HMGCLL1: variants seen among roughly 807,000 people sequenced by gnomAD.
HMGCLL1 encodes 3-hydroxy-3-methylglutaryl-CoA lyase like 1, also known as 3-hydroxymethyl-3-methylglutaryl-CoA lyase, cytoplasmic.
In HMGCLL1, 36 loss-of-function variants were observed where a neutral mutation model predicts 39.1. The ratio of observed to expected loss-of-function variants is 0.92; its 90% CI spans 0.71 to 1.22. The LOEUF (loss-of-function observed/expected upper bound fraction) is 1.22. Ranked by LOEUF, HMGCLL1 falls within the 50% of genes most tolerant of loss-of-function variation. The pLI is 0.00. For synonymous variants in HMGCLL1, 149 were observed against 144.0 expected, an observed-to-expected ratio of 1.03 and a Z score of -0.25; for missense variants, 451 against 416.5, an observed-to-expected ratio of 1.08 and a Z score of -0.72.
At chr6:55,465,486 T>A (rs1764758234) in intron 7 of HMGCLL1, among the ~76,000 whole-genome samples, 1 of 152,050 alleles carries the variant, frequency 6.6e-6, no homozygotes, top group Non-Finnish European at 1.5e-5. Flanking sequence ...TACATTGGCT[T>A]AAATCTCCTC....
chr6:55,646,865 A>G, the HMGCLL1 span, among the ~76,000 whole-genome samples: 2 of 152,120 alleles, frequency 1.3e-5, no homozygotes, highest in African/African-American at 2.4e-5. Context: ...TTCTACATCT[A>G]TTGGATGAAA....
At chr6:55,449,641 T>G (rs1336027540) in intron 7 of HMGCLL1, among the ~76,000 whole-genome samples, 3 of 152,220 alleles carry the variant, frequency 2.0e-5, no homozygotes, top group Non-Finnish European at 4.4e-5. Context: ...ACACTTTTAA[T>G]TTTTTTCCTC....
chr6:55,459,357 A>C (rs1196165478), intron 7 of HMGCLL1, among the ~76,000 whole-genome samples: 2 of 152,168 alleles, frequency 1.3e-5, no homozygotes. Context: ...AGGGGGAAGA[A>C]AATTATTTTA....
At chr6:55,600,710 A>C in the HMGCLL1 span, among the ~76,000 whole-genome samples, 1 of 152,166 alleles carries the variant, frequency 6.6e-6, no homozygotes, top group Non-Finnish European at 1.5e-5. Flanking sequence ...CAACAAATCA[A>C]ATTTGAAAAT....
the HMGCLL1 span, among the ~76,000 whole-genome samples, chr6:55,615,117 T>C: frequency 1.3e-5 from 2 of 152,122 alleles, no homozygotes; most frequent in Non-Finnish European, 2.9e-5. Context: ...GTAAACAGCA[T>C]AGACTTTTTC....
chr6:55,484,786 T>TG (rs1438686231), intron 7 of HMGCLL1, among the ~76,000 whole-genome samples: 1 of 152,318 alleles, frequency 6.6e-6, no homozygotes, highest in Non-Finnish European at 1.5e-5. Context: ...CCTGGACTAT[T>TG]GCAATTGCAT....
chr6:55,576,071 A>G (rs1346352118), intron 1 of HMGCLL1, among the ~76,000 whole-genome samples: 3 of 152,218 alleles, frequency 2.0e-5, no homozygotes, highest in Non-Finnish European at 4.4e-5. Flanking sequence ...TTGCTTCCTT[A>G]GTTTTACTAT....
At chr6:55,586,248 TA>T in the HMGCLL1 span, among the ~76,000 whole-genome samples, 2 of 151,938 alleles carry the variant, frequency 1.3e-5, no homozygotes, top group African/African-American at 4.8e-5. Context: ...ACTATGATAA[TA>T]AGAGAACACT....
the HMGCLL1 span, among the ~76,000 whole-genome samples, chr6:55,615,440 A>G: frequency 6.6e-6 from 1 of 152,172 alleles, no homozygotes; most frequent in African/African-American, 2.4e-5. Flanking sequence ...TTGTGCCTCT[A>G]TAAAATGTAC....
In HMGCLL1 at chr6:55,507,494, A is replaced by G. The variant is rs567681116; in HGVS notation, c.542+6554T>C. 6.2e-5 allele frequency among the ~76,000 whole-genome samples: 5 copies of G among 81,178 alleles called. No individual in the cohort carries two copies. In the South Asian group the frequency reaches 1.6e-3, roughly 27 times the overall value. 53.3% of individuals were successfully genotyped at this position (81,178 alleles called of 152,430 possible). On this transcript the variant is annotated intron_variant, in intron 5 of 8. Coordinates refer to ENST00000274901, the MANE Select transcript of HMGCLL1 (RefSeq NM_001042406.2). ...GGCTGGACACTTCAGGTAATACTTC[A>G]TGTTCCATTTATGATGACTTATATT...
At position 55,542,006 on chromosome 6, in the gene HMGCLL1, A is replaced by G. The variant is rs574784760; in HGVS notation, c.189+54T>C. Reference sequence around the variant, plus strand: ...TATGAAATCCATGTAAATCTTTACAATCTTAAATTTATTAATTTGTAGACA... The same window carrying G: ...TATGAAATCCATGTAAATCTTTACAGTCTTAAATTTATTAATTTGTAGACA... On this transcript the variant is annotated intron_variant, in intron 2 of 8. Coordinates refer to ENST00000274901, the MANE Select transcript of HMGCLL1 (RefSeq NM_001042406.2). 2.7e-5 allele frequency: 32 copies of G among 1,196,314 alleles called. No homozygotes were observed. The East Asian group carries it at 3.6e-4, about 14-fold the overall frequency. 74.1% of individuals were successfully genotyped at this position (1,196,314 alleles called of 1,614,324 possible).
chr6:55,442,703 A>T (rs62417203), intron 7 of HMGCLL1, among the ~76,000 whole-genome samples: 10,235 of 152,174 alleles, frequency 0.067, 432 homozygotes, highest in East Asian at 0.17. Flanking sequence ...TCTTTCCATT[A>T]CCACAACATT....
chr6:55,455,552 T>C (rs1361333455), intron 7 of HMGCLL1, among the ~76,000 whole-genome samples: 1 of 152,128 alleles, frequency 6.6e-6, no homozygotes, highest in African/African-American at 2.4e-5. Context: ...GTTGAGGCAA[T>C]TGTGGATATT....
the HMGCLL1 span, among the ~76,000 whole-genome samples, chr6:55,604,238 C>A: frequency 9.2e-5 from 14 of 152,146 alleles, no homozygotes; most frequent in Non-Finnish European, 1.3e-4. Context: ...GAAATATGAA[C>A]CTTTAAGTCA....
At chr6:55,668,673 A>C in the HMGCLL1 span, among the ~76,000 whole-genome samples, 1 of 151,880 alleles carries the variant, frequency 6.6e-6, no homozygotes, top group East Asian at 1.9e-4. Context: ...GGCAGCCAAA[A>C]ACCCGGAAGT....
chr6:55,608,860 C>T, the HMGCLL1 span, among the ~76,000 whole-genome samples: 1 of 152,202 alleles, frequency 6.6e-6, no homozygotes, highest in African/African-American at 2.4e-5. Flanking sequence ...GCGAATCCTG[C>T]ACCAGCAACC....
rs535275237 is a variant in HMGCLL1 at position 55,478,062 on chromosome 6, T to C, written c.795+17357A>G. The stretch of plus-strand genomic sequence containing the variant: ...GATGTTTTTATTGTGGAAAAATATG[T>C]GAGCTACTGATTCAGTGAGGTTCTG... On this transcript the variant is annotated intron_variant, in intron 7 of 8. Transcript: ENST00000274901. 3.1e-4 allele frequency among the ~76,000 whole-genome samples: 46 copies of C among 150,062 alleles called. 1 individual carries two copies. The highest frequency in any genetic ancestry group is 1.0e-3 in the African/African-American group (41 of 40,664).
chr6:55,619,461 G>C, the HMGCLL1 span, among the ~76,000 whole-genome samples: 2 of 151,888 alleles, frequency 1.3e-5, no homozygotes, highest in South Asian at 2.1e-4. Flanking sequence ...TGGGAGGGGG[G>C]TTCTGTTGAC....
chr6:55,588,357 G>C, the HMGCLL1 span, among the ~76,000 whole-genome samples: 1 of 151,708 alleles, frequency 6.6e-6, no homozygotes, highest in East Asian at 1.9e-4. Context: ...TGAAACCATC[G>C]AGAAAAAAGA....
Sources: allele counts gnomAD v4.1 joint callset (sites outside exome capture counted in the v4.1 genomes callset), GRCh38; gene constraint gnomAD v4.1.1; transcripts MANE v1.5; gene names NCBI Gene and HGNC (gene_info 2026-07-23, HGNC 2026-07-21).